The following ATP6V1G3 variants were observed in gnomAD, a reference collection of about 807,000 sequenced individuals.
ATP6V1G3 encodes the protein ATPase H+ transporting V1 subunit G3.
A neutral mutation model predicts 9.3 loss-of-function variants in ATP6V1G3; 9 were observed. The ratio of observed to expected loss-of-function variants is 0.97; its 90% CI spans 0.59 to 1.69. The LOEUF is 1.69. Ranked by LOEUF, ATP6V1G3 falls within the 40% of genes most tolerant of loss-of-function variation. ATP6V1G3 has a pLI of 0.00. For missense variants in ATP6V1G3, 133 were observed against 139.0 expected (o/e 0.96, Z 0.22); for synonymous variants, 43 against 43.8 (o/e 0.98, Z 0.07).
intron 1 of ATP6V1G3, among the ~76,000 whole-genome samples, chr1:198,535,215 T>C (rs1467801290): frequency 1.3e-5 from 2 of 152,076 alleles, no homozygotes; most frequent in Non-Finnish European, 2.9e-5. Context: ...CTGTGGACTA[T>C]AAAGGAAGAG....
intron 1 of ATP6V1G3, chr1:198,536,783 A>G: frequency 7.6e-7 from 1 of 1,309,198 alleles, no homozygotes; most frequent in Non-Finnish European, 1.1e-6. Context: ...TCATTCTTCT[A>G]TCATTATTAC....
intron 1 of ATP6V1G3, among the ~76,000 whole-genome samples, chr1:198,531,580 G>T (rs1659901497): frequency 6.6e-6 from 1 of 152,080 alleles, no homozygotes; most frequent in South Asian, 2.1e-4. Context: ...ACTCTTCCTG[G>T]CCTTCTCATT....
chr1:198,526,107 G>C (rs1659641277), intron 2 of ATP6V1G3, among the ~76,000 whole-genome samples: 1 of 151,984 alleles, frequency 6.6e-6, no homozygotes, highest in African/African-American at 2.4e-5. Flanking sequence ...GAATTTATTT[G>C]ATGCCCAGTG....
At position 198,529,087 on chromosome 1, in the gene ATP6V1G3, T is replaced by A; in HGVS notation, c.177A>T (p.Gln59His). The change falls in exon 2 of 3, where the codon CAA becomes CAT. Residue 59 changes from glutamine to histidine, a missense_variant. By Grantham distance (24) the Gln-to-His change is conservative (BLOSUM62 0). Coordinates refer to ENST00000367382, the MANE Select transcript of ATP6V1G3 (RefSeq NM_001376861.1). ...TGCTGACTTTCTTACTCACCTTAGA[T>A]TGTTTTAGTCGAAACTCTTTATCTC... ...MQRDKEFRLK[Q>H]SKIMGSQNNL... 6.7e-7 allele frequency: 1 copy of A among 1,490,412 alleles called. No homozygotes were observed. The highest frequency in any genetic ancestry group is 9.2e-7 in the Non-Finnish European group (1 of 1,091,072). 92.3% of individuals were successfully genotyped at this position (1,490,412 alleles called of 1,614,324 possible). A position where few individuals can be genotyped will look rare whatever the true frequency, so the allele number is the denominator to read the frequency against.
At chr1:198,538,588 A>C (rs1020051235) in intron 1 of ATP6V1G3, among the ~76,000 whole-genome samples, 8 of 152,126 alleles carry the variant, frequency 5.3e-5, no homozygotes, top group Middle Eastern at 3.2e-3. Flanking sequence ...TTCTGTTCTG[A>C]AAGTTTTAAA....
At chr1:198,530,153 A>C (rs577754511) in intron 1 of ATP6V1G3, among the ~76,000 whole-genome samples, 1 of 152,134 alleles carries the variant, frequency 6.6e-6, no homozygotes, top group Non-Finnish European at 1.5e-5. Context: ...ATTGTCTTTC[A>C]ATTTCAGTAA....
At chr1:198,537,819 A>T (rs902111475) in intron 1 of ATP6V1G3, among the ~76,000 whole-genome samples, 61 of 152,220 alleles carry the variant, frequency 4.0e-4, no homozygotes, top group African/African-American at 1.4e-3. Flanking sequence ...GTAGATACCC[A>T]ATAAACACTT....
intron 2 of ATP6V1G3, among the ~76,000 whole-genome samples, chr1:198,523,789 C>T (rs1475881741): frequency 1.3e-5 from 2 of 152,150 alleles, no homozygotes; most frequent in East Asian, 1.9e-4. Context: ...TTTTAACCAA[C>T]CTCCACATGG....
chr1:198,527,679 A>G (rs1659710312), intron 2 of ATP6V1G3, among the ~76,000 whole-genome samples: 1 of 152,190 alleles, frequency 6.6e-6, no homozygotes, highest in East Asian at 1.9e-4. Context: ...TATTTATTGC[A>G]TGTCTACTGT....
intron 2 of ATP6V1G3, among the ~76,000 whole-genome samples, chr1:198,524,281 T>C (rs1411360236): frequency 6.6e-6 from 1 of 151,952 alleles, no homozygotes; most frequent in Non-Finnish European, 1.5e-5. Flanking sequence ...TGTGCCATGA[T>C]ACCCTGCTAA....
intron 1 of ATP6V1G3, chr1:198,536,614 A>G: frequency 7.4e-7 from 1 of 1,351,664 alleles, no homozygotes; most frequent in East Asian, 2.3e-5. Flanking sequence ...GAGAGCTTTA[A>G]CTAATAAATA....
chr1:198,535,368 G>A (rs1021995718), intron 1 of ATP6V1G3, among the ~76,000 whole-genome samples: 1 of 152,002 alleles, frequency 6.6e-6, no homozygotes, highest in African/African-American at 2.4e-5. Flanking sequence ...TTAAATTGAG[G>A]TGCTTGTTTA....
At chr1:198,530,440 T>C (rs540746676) in intron 1 of ATP6V1G3, among the ~76,000 whole-genome samples, 24 of 152,334 alleles carry the variant, frequency 1.6e-4, no homozygotes, top group Non-Finnish European at 3.1e-4. Flanking sequence ...TCTGTATGTA[T>C]ATGGGATAAA....
chr1:198,527,178 T>C (rs1456502928), intron 2 of ATP6V1G3, among the ~76,000 whole-genome samples: 1 of 152,126 alleles, frequency 6.6e-6, no homozygotes, highest in Non-Finnish European at 1.5e-5. Flanking sequence ...GAGGATAAGA[T>C]TTAAGTGGAA....
At chr1:198,540,457 T>G in intron 1 of ATP6V1G3, 112 bp downstream of exon 1, 2 of 1,040,774 alleles carry the variant, frequency 1.9e-6, no homozygotes, top group Non-Finnish European at 3.0e-6. Context: ...TCACAGGGAG[T>G]ACAGTAAACC....
At position 198,540,611 on chromosome 1, in the gene ATP6V1G3, C is replaced by T. The variant is rs1660307687; in HGVS notation, c.40G>A (p.Ala14Thr). 6.2e-7 allele frequency: 1 copy of T among 1,613,930 alleles called. No homozygotes were observed. The highest frequency in any genetic ancestry group is 8.5e-7 in the Non-Finnish European group (1 of 1,179,960). ...QSQGIHQLLQAEKRAKDKLEE... is the reference protein window; with the variant it reads ...QSQGIHQLLQTEKRAKDKLEE... ...AGCTTGTCCTTGGCCCGTTTTTCTG[C>T]CTGAAGAAGCTGGTGGATCCCCTGA... The change falls in exon 1 of 3, where the codon GCA (alanine) becomes ACA (threonine). Residue 14 changes from alanine (A) to threonine (T), a missense_variant. Coordinates refer to ENST00000367382, the MANE Select transcript of ATP6V1G3 (RefSeq NM_001376861.1).
At chr1:198,528,987 C>T in intron 2 of ATP6V1G3, 94 bp downstream of exon 2, 1 of 483,514 alleles carries the variant, frequency 2.1e-6, no homozygotes, top group South Asian at 2.4e-5. Flanking sequence ...TCAATTGCAG[C>T]ATATTTTTTT....
chr1:198,537,055 C>T (rs956532758), intron 1 of ATP6V1G3, among the ~76,000 whole-genome samples: 1 of 152,106 alleles, frequency 6.6e-6, no homozygotes, highest in Non-Finnish European at 1.5e-5. Flanking sequence ...GTCTGACTTC[C>T]GAAGCCTGTC....
intron 2 of ATP6V1G3, among the ~76,000 whole-genome samples, chr1:198,526,769 A>G (rs1432222503): frequency 6.6e-6 from 1 of 152,192 alleles, no homozygotes; most frequent in Non-Finnish European, 1.5e-5. Context: ...ATATAAATTC[A>G]GGAAGAAAGA....
Sources: allele counts gnomAD v4.1 joint callset (sites outside exome capture counted in the v4.1 genomes callset), GRCh38; gene constraint gnomAD v4.1.1; transcripts MANE v1.5; gene names NCBI Gene and HGNC (gene_info 2026-07-23, HGNC 2026-07-21).